AGAP1: variants seen among roughly 807,000 people sequenced by gnomAD.
AGAP1 encodes ArfGAP with GTPase domain, ankyrin repeat and PH domain 1.
AGAP1 carries 29 observed loss-of-function variants against 105.3 expected under a neutral mutation model. The ratio of observed to expected loss-of-function variants is 0.28; its 90% confidence interval spans 0.21 to 0.38. AGAP1 has a LOEUF of 0.38. Ranked by LOEUF, AGAP1 falls within the 10% of genes least tolerant of loss-of-function variation. The probability of loss-of-function intolerance (pLI) is 1.00; values close to 1 mark genes in which losing one functional copy is unlikely to be tolerated. For synonymous variants in AGAP1, 509 were observed against 485.9 expected (o/e 1.05, Z -0.63); for missense variants, 998 against 1,165.1 (o/e 0.86, Z 2.09).
intron 12 of AGAP1, among the ~76,000 whole-genome samples, chr2:235,949,385 C>T (rs1017346844): frequency 6.6e-6 from 1 of 152,120 alleles, no homozygotes; most frequent in Admixed American, 6.5e-5. Flanking sequence ...GAAGTGCTGC[C>T]ATACCACTTC....
chr2:236,049,257 C>T lies in AGAP1; in HGVS notation c.2090C>T (p.Thr697Met), dbSNP rs144609943. 271 of 1,614,080 alleles carry T rather than the reference C, an allele frequency of 1.7e-4. No homozygotes were observed. Among genetic ancestry groups the T allele is most frequent in the African/African-American group, 1.2e-4 (9 of 75,012 alleles). The change falls in exon 16 of 18, where the codon ACG (threonine) becomes ATG (methionine). Residue 697 changes from threonine (T) to methionine (M), a missense_variant. Around this residue, in one of 3 missense-constraint regions of AGAP1, gnomAD observed 235 missense variants for 270.7 expected, o/e 0.87. Transcript: ENST00000304032. Reference sequence around the variant, plus strand: ...TGGGAAGAGAGCAGCCAGGGGCGGACGAAACCATCGGTAGACTCCACAAGG... The same window carrying T: ...TGGGAAGAGAGCAGCCAGGGGCGGATGAAACCATCGGTAGACTCCACAAGG... ...SVWEESSQGRTKPSVDSTREE... is the reference protein window; with the variant it reads ...SVWEESSQGRMKPSVDSTREE...
intron 16 of AGAP1, among the ~76,000 whole-genome samples, chr2:236,075,497 C>G (rs1204125521): frequency 3.3e-5 from 5 of 152,084 alleles, no homozygotes; most frequent in African/African-American, 1.2e-4. Context: ...TGTGTTCTGG[C>G]CTTGGGTGAG....
chr2:235,661,770 C>A (rs558750882), intron 1 of AGAP1, among the ~76,000 whole-genome samples: 1 of 152,252 alleles, frequency 6.6e-6, no homozygotes, highest in East Asian at 1.9e-4. Flanking sequence ...TTGGGGCATG[C>A]CCAGGGGGGT....
chr2:235,715,434 T>C (rs1343812803), intron 2 of AGAP1, among the ~76,000 whole-genome samples: 1 of 152,052 alleles, frequency 6.6e-6, no homozygotes, highest in Non-Finnish European at 1.5e-5. Flanking sequence ...AGGGAAGCTT[T>C]CCCAAGAGAA....
intron 1 of AGAP1, among the ~76,000 whole-genome samples, chr2:235,523,887 G>C (rs1363482580): frequency 6.6e-6 from 1 of 151,968 alleles, no homozygotes; most frequent in African/African-American, 2.4e-5. Context: ...CCTGTGACCT[G>C]ACCAGGGTAT....
rs13409068 is a variant in AGAP1, at chr2:235,927,194, C to G, written c.1325-3571C>G. The stretch of plus-strand genomic sequence containing the variant: ...GGGGGCCTTCACGAGCTATAGGGCT[C>G]TAAGAGTCTGCCGTCAGAAGGATTG... On this transcript the variant is annotated intron_variant, in intron 11 of 17. Transcript: ENST00000304032. The surrounding 1 kb of genome is among the most constrained non-coding windows in gnomAD (Gnocchi z 4.4). Among the ~76,000 whole-genome samples the G allele has an allele frequency of 6.6e-6, 1 of 152,122 alleles. No homozygotes were observed. The highest frequency in any genetic ancestry group is 1.5e-5 in the Non-Finnish European group (1 of 68,040).
intron 13 of AGAP1, among the ~76,000 whole-genome samples, chr2:235,975,876 A>G (rs1203146823): frequency 6.6e-6 from 1 of 152,240 alleles, no homozygotes; most frequent in Non-Finnish European, 1.5e-5. Context: ...AAACTGCATA[A>G]TCAACAGTAA....
chr2:235,916,582 C>T (rs928520167), intron 11 of AGAP1, among the ~76,000 whole-genome samples: 7 of 152,164 alleles, frequency 4.6e-5, no homozygotes, highest in African/African-American at 9.7e-5. Context: ...CCCATTTCTC[C>T]TGTCTCAGAC....
In AGAP1 at chr2:235,660,778, G is replaced by A. The variant is rs1947922633; in HGVS notation, c.164-48401G>A. Among the ~76,000 whole-genome samples the A allele has an allele frequency of 6.6e-6, 1 of 152,202 alleles. No homozygotes were observed. The highest frequency in any genetic ancestry group is 1.5e-5 in the Non-Finnish European group (1 of 68,042). ...GTTGGTTTTCAGCATTGGAGCAGAT[G>A]CTCCCCATACATCATCACATCTTAT... is the stretch of plus-strand genomic sequence containing the variant. On this transcript the variant is annotated intron_variant, in intron 1 of 17. Coordinates refer to ENST00000304032, the MANE Select transcript of AGAP1 (RefSeq NM_001037131.3). The surrounding 1 kb of genome is among the most constrained non-coding windows in gnomAD (Gnocchi z 5.3).
At chr2:235,583,629 C>T (rs544687366) in intron 1 of AGAP1, among the ~76,000 whole-genome samples, 1 of 148,880 alleles carries the variant, frequency 6.7e-6, no homozygotes, top group African/African-American at 2.5e-5. Flanking sequence ...GTAATCCCAG[C>T]ACTTTGGGAG....
At position 236,114,421 on chromosome 2, in the gene AGAP1, G is replaced by T. The variant is rs542924471; in HGVS notation, c.2115-5771G>T. ...ATGTGACTTGCGTATGGAGACGCTAGTGAGAAAGATGAAGGATGCTATCCA... is the reference window on the plus strand; with the variant it reads ...ATGTGACTTGCGTATGGAGACGCTATTGAGAAAGATGAAGGATGCTATCCA... On this transcript the variant is annotated intron_variant, in intron 16 of 17. Coordinates refer to ENST00000304032, the MANE Select transcript of AGAP1 (RefSeq NM_001037131.3). The surrounding 1 kb of genome is among the most constrained non-coding windows in gnomAD (Gnocchi z 5.0). 2.0e-5 allele frequency among the ~76,000 whole-genome samples: 3 copies of T among 152,246 alleles called. No homozygotes were observed. In the South Asian group the frequency reaches 6.2e-4, roughly 32 times the overall value.
chr2:235,807,143 TA>T, intron 8 of AGAP1, 95 bp from the exon 9 acceptor site: 1 of 1,273,536 alleles, frequency 7.9e-7, no homozygotes, highest in Non-Finnish European at 1.1e-6. Flanking sequence ...GCATGTTTTC[TA>T]AATGTGTATT....
intron 1 of AGAP1, among the ~76,000 whole-genome samples, chr2:235,603,242 T>G (rs1322364384): frequency 6.6e-6 from 1 of 152,138 alleles, no homozygotes; most frequent in Non-Finnish European, 1.5e-5. Context: ...TGCCGCCATG[T>G]AAGATGTGCC....
chr2:235,919,740 ATAT>A lies in AGAP1; in HGVS notation c.1324+10835_1324+10837del, dbSNP rs564688582. ...CACACACACACCTGTTGCATTTATC[ATAT>A]AAAGGAGAAAGAATATTGTAAAGAT... On this transcript the variant is annotated intron_variant, in intron 11 of 17. Transcript: ENST00000304032. The surrounding 1 kb of genome is among the most constrained non-coding windows in gnomAD (Gnocchi z 4.1). 2.1e-4 allele frequency among the ~76,000 whole-genome samples: 32 copies of A among 152,316 alleles called. No homozygotes were observed. The highest frequency in any genetic ancestry group is 2.1e-4 in the South Asian group (1 of 4,824).
At chr2:235,513,313 G>A (rs1379244639) in intron 1 of AGAP1, among the ~76,000 whole-genome samples, 1 of 152,068 alleles carries the variant, frequency 6.6e-6, no homozygotes, top group Non-Finnish European at 1.5e-5. Flanking sequence ...TTGAAGTCAG[G>A]AGTTAGAGAC....
rs1229660596 is a variant in AGAP1, at chr2:235,958,892, C to G, written c.1484-9570C>G. On this transcript the variant is annotated intron_variant, in intron 12 of 17. Transcript: ENST00000304032. The surrounding 1 kb of genome is among the most constrained non-coding windows in gnomAD (Gnocchi z 4.1). ...GCTTCTTTGACTCATACTTCACGTTCCGAAGCTCGGAGAGACTGCAGATTG... is the reference window on the plus strand; with the variant it reads ...GCTTCTTTGACTCATACTTCACGTTGCGAAGCTCGGAGAGACTGCAGATTG... Among the ~76,000 whole-genome samples, 3 of 152,226 alleles carry G rather than the reference C, an allele frequency of 2.0e-5. No individual in the cohort carries two copies. Among genetic ancestry groups the G allele is most frequent in the African/African-American group, 7.2e-5 (3 of 41,452 alleles).
intron 1 of AGAP1, among the ~76,000 whole-genome samples, chr2:235,702,934 G>GTTTTTTTTTTTGTTTTTTTTTTTTTTT (rs1950327694): frequency 1.1e-5 from 1 of 88,946 alleles, no homozygotes; most frequent in Non-Finnish European, 2.2e-5. Flanking sequence ...AGTTTTCTTG[G>GTTTTTTTTTTTGTTTTTTTTTTTTTTT]TTTTTTTTTT....
intron 1 of AGAP1, among the ~76,000 whole-genome samples, chr2:235,627,254 G>A (rs991768810): frequency 5.6e-5 from 8 of 143,828 alleles, no homozygotes; most frequent in South Asian, 2.3e-4. Context: ...GTGCAGTGGC[G>A]CGATCTTGGT....
At chr2:235,510,950 G>A (rs890225421) in intron 1 of AGAP1, among the ~76,000 whole-genome samples, 8 of 136,104 alleles carry the variant, frequency 5.9e-5, no homozygotes, top group Middle Eastern at 3.7e-3. Context: ...CTGTAAATCC[G>A]GATGTTTGGC....
Sources: gnomAD v4.1 joint callset for allele counts (sites outside exome capture counted in the v4.1 genomes callset) on GRCh38, gnomAD v4.1.1 for gene constraint, gnomAD v4.1.1 regional missense constraint, Gnocchi (gnomAD v3.1) non-coding constraint, MANE v1.5 for transcripts, NCBI Gene and HGNC (gene_info 2026-07-23, HGNC 2026-07-21) for gene names.